The following AUTS2 variants were observed in gnomAD, a reference collection of about 807,000 sequenced individuals.
AUTS2 encodes autism susceptibility gene 2 protein.
AUTS2 carries 17 observed loss-of-function variants against 112.4 expected under a neutral mutation model. The ratio of observed to expected loss-of-function variants is 0.15; its 90% CI spans 0.10 to 0.23. The LOEUF (loss-of-function observed/expected upper bound fraction) is 0.23. Ranked by LOEUF, AUTS2 falls within the 10% of genes least tolerant of loss-of-function variation. The pLI, the probability that AUTS2 is intolerant of heterozygous loss-of-function variation, is 1.00. For synonymous variants in AUTS2, 751 were observed against 702.7 expected (o/e 1.07, Z -1.09); for missense variants, 1,510 against 1,701.6 (o/e 0.89, Z 1.98).
intron 4 of AUTS2, among the ~76,000 whole-genome samples, chr7:70,141,306 T>C (rs376240093): frequency 6.6e-6 from 1 of 152,012 alleles, no homozygotes; most frequent in Non-Finnish European, 1.5e-5. Context: ...GGGGAAGAGA[T>C]GGTTTGTAGA....
intron 2 of AUTS2, among the ~76,000 whole-genome samples, chr7:69,940,425 G>A (rs1268725877): frequency 6.6e-6 from 1 of 152,198 alleles, no homozygotes; most frequent in Non-Finnish European, 1.5e-5. Context: ...TCCAACATGT[G>A]TAGTGGCCAC....
intron 2 of AUTS2, among the ~76,000 whole-genome samples, chr7:69,942,541 T>C (rs893237061): frequency 2.0e-5 from 3 of 152,198 alleles, no homozygotes; most frequent in South Asian, 2.1e-4. Flanking sequence ...GACTTTTTTT[T>C]CTACTGGAAA....
chr7:69,840,166 G>A (rs185006864), intron 1 of AUTS2, among the ~76,000 whole-genome samples: 1 of 152,124 alleles, frequency 6.6e-6, no homozygotes, highest in South Asian at 2.1e-4. Context: ...CTTCAATTGT[G>A]TGTCAGTGAG....
chr7:70,144,313 C>A (rs1440091603), intron 4 of AUTS2, among the ~76,000 whole-genome samples: 1 of 152,056 alleles, frequency 6.6e-6, no homozygotes, highest in East Asian at 1.9e-4. Context: ...AAATTTAGTT[C>A]TCTTAGAATT....
rs1187230021 is a variant in AUTS2, at chr7:70,162,699, A to G, written c.660+28128A>G. 2.6e-5 allele frequency among the ~76,000 whole-genome samples: 4 copies of G among 152,286 alleles called. No individual in the cohort carries two copies. In the East Asian group the frequency reaches 5.8e-4, roughly 22 times the overall value. ...TTTAATTGTATTATTAAACGAAAACATATTTTTATAAAAATGATGCCCCAT... is the reference window on the plus strand; with the variant it reads ...TTTAATTGTATTATTAAACGAAAACGTATTTTTATAAAAATGATGCCCCAT... On this transcript the variant is annotated intron_variant, in intron 4 of 18. Transcript: ENST00000342771.
At chr7:69,832,112 G>C (rs999318422) in intron 1 of AUTS2, among the ~76,000 whole-genome samples, 2 of 152,118 alleles carry the variant, frequency 1.3e-5, no homozygotes, top group Non-Finnish European at 2.9e-5. Context: ...AAATACCTGT[G>C]TTTCCTCCCC....
At chr7:69,957,076 G>A (rs28502437) in intron 2 of AUTS2, among the ~76,000 whole-genome samples, 12,136 of 146,858 alleles carry the variant, frequency 0.083, 648 homozygotes, top group African/African-American at 0.14. Context: ...TTGGAGAGAC[G>A]GGGTTTTGCC....
intron 5 of AUTS2, among the ~76,000 whole-genome samples, chr7:70,438,396 T>TCCTGCCCTGCACCC (rs1159701113): frequency 2.6e-5 from 4 of 152,098 alleles, no homozygotes; most frequent in Admixed American, 2.6e-4. Flanking sequence ...ATGGCGCACC[T>TCCTGCCCTGCACCC]CCTGCCCTGC....
intron 4 of AUTS2, among the ~76,000 whole-genome samples, chr7:70,167,893 A>G (rs973861160): frequency 2.0e-5 from 3 of 152,248 alleles, no homozygotes; most frequent in African/African-American, 7.2e-5. Context: ...AAAAATATAC[A>G]GAAGTACAGT....
chr7:69,872,104 G>A (rs1391018309), intron 1 of AUTS2, among the ~76,000 whole-genome samples: 1 of 152,198 alleles, frequency 6.6e-6, no homozygotes, highest in Non-Finnish European at 1.5e-5. Flanking sequence ...AGATTATAGA[G>A]CATTAAACCA....
chr7:69,606,139 T>C (rs1334223024), intron 1 of AUTS2, among the ~76,000 whole-genome samples: 1 of 152,194 alleles, frequency 6.6e-6, no homozygotes, highest in African/African-American at 2.4e-5. Context: ...AGTAGTGTTC[T>C]GTAGTTCTCA....
Position 70,673,758 on chromosome 7 carries a change from T to G in AUTS2, c.691-24811T>G, listed in dbSNP as rs538316033. ...AGCAGAGCCTGGGTCTTACTCATCT[T>G]TATATCCTGGTGCCAAGTATTCTGT... On this transcript the variant is annotated intron_variant, in intron 5 of 18. Transcript: ENST00000342771. Among the ~76,000 whole-genome samples, 4 of 152,276 alleles carry G rather than the reference T, an allele frequency of 2.6e-5. No individual in the cohort carries two copies. The East Asian group carries it at 7.7e-4, about 29-fold the overall frequency.
rs1791563923 is a variant in AUTS2 at position 70,787,251 on chromosome 7, A to T, written c.2351A>T (p.Gln784Leu). Residue 784 changes from glutamine to leucine, a missense_variant, in exon 18 of 19, where the codon CAG becomes CTG. Physicochemically the swap from Gln to Leu is moderately radical, Grantham distance 113 (BLOSUM62 -2). Transcript: ENST00000342771. ...MFGHKDGPSV[Q>L]NFSNPHEPWN... ...GGCCACAAGGATGGCCCCAGTGTGC[A>T]GAACTTTAGCAACCCTCACGAACCC... 6.2e-7 allele frequency: 1 copy of T among 1,614,254 alleles called. No individual in the cohort carries two copies. The highest frequency in any genetic ancestry group is 8.5e-7 in the Non-Finnish European group (1 of 1,180,048).
intron 1 of AUTS2, among the ~76,000 whole-genome samples, chr7:69,601,131 A>G (rs761512260): frequency 4.0e-5 from 6 of 149,340 alleles, no homozygotes; most frequent in Non-Finnish European, 8.9e-5. Context: ...CCCTGTCCCC[A>G]CCCCCCACAC....
chr7:70,726,136 T>C (rs1294674036), intron 6 of AUTS2, among the ~76,000 whole-genome samples: 1 of 152,174 alleles, frequency 6.6e-6, no homozygotes, highest in East Asian at 1.9e-4. Context: ...ATCTGGAATT[T>C]TCTTTTTTTT....
At chr7:69,869,185 A>G (rs1454863063) in intron 1 of AUTS2, among the ~76,000 whole-genome samples, 1 of 152,118 alleles carries the variant, frequency 6.6e-6, no homozygotes, top group South Asian at 2.1e-4. Flanking sequence ...CGTAGGGAGA[A>G]ATATTGGGAA....
chr7:70,789,709 C>G (rs1322599105), intron 18 of AUTS2, 39 bp from the exon 19 acceptor site: 3 of 1,586,266 alleles, frequency 1.9e-6, no homozygotes, highest in Admixed American at 3.5e-5. Flanking sequence ...TCGCCCCTTT[C>G]ATTTCATCTG....
Position 70,462,890 on chromosome 7 carries a change from G to A in AUTS2, c.690+27109G>A, listed in dbSNP as rs191159329. 9.5e-4 allele frequency among the ~76,000 whole-genome samples: 144 copies of A among 152,186 alleles called. 1 individual carries two copies. The highest frequency in any genetic ancestry group is 3.2e-3 in the African/African-American group (131 of 41,514). On this transcript the variant is annotated intron_variant, in intron 5 of 18. Coordinates refer to ENST00000342771, the MANE Select transcript of AUTS2 (RefSeq NM_015570.4). ...GGAGAATTGCTTGAACCCGGGAAGC[G>A]GAGATTGCAGTGACCCGAGATTGCG...
chr7:70,686,664 C>T (rs1403454623), intron 5 of AUTS2, among the ~76,000 whole-genome samples: 1 of 151,888 alleles, frequency 6.6e-6, no homozygotes, highest in African/African-American at 2.4e-5. Context: ...CCCCGAGAAG[C>T]TGGGATTATA....
Sources: gnomAD v4.1 joint callset for allele counts (sites outside exome capture counted in the v4.1 genomes callset) on GRCh38, gnomAD v4.1.1 for gene constraint, MANE v1.5 for transcripts, NCBI Gene and HGNC (gene_info 2026-07-23, HGNC 2026-07-21) for gene names.